STEAP2: variants seen among roughly 807,000 people sequenced by gnomAD.
STEAP2 encodes the protein metalloreductase STEAP2.
In STEAP2, 30 loss-of-function variants were observed where a neutral mutation model predicts 46.4. That is an observed-to-expected ratio of 0.65 (90% CI 0.48 to 0.88). STEAP2 has a LOEUF of 0.88. Among genes scored for constraint, STEAP2 ranks in the 40% least tolerant of loss-of-function variants. The probability of loss-of-function intolerance (pLI) is 0.00; values close to 1 mark genes in which losing one functional copy is unlikely to be tolerated. For missense variants in STEAP2, 513 were observed against 579.3 expected (o/e 0.89, Z 1.18); for synonymous variants, 180 against 200.5 (o/e 0.90, Z 0.86).
chr7:90,227,328 T>C lies in STEAP2; in HGVS notation c.850T>C (p.Tyr284His), dbSNP rs1795540623. ...GLLAAAYQLY[Y>H]GTKYRRFPPW... Reference sequence around the variant, plus strand: ...TCTGGCAGCTGCTTATCAACTTTATTACGGCACCAAGTATAGGAGATTTCC... The same window carrying C: ...TCTGGCAGCTGCTTATCAACTTTATCACGGCACCAAGTATAGGAGATTTCC... Residue 284 changes from tyrosine to histidine, a missense_variant, in exon 4 of 6, where the codon TAC becomes CAC. Physicochemically the swap from Tyr to His is moderately conservative, Grantham distance 83 (BLOSUM62 2). Coordinates refer to ENST00000394621, the MANE Select transcript of STEAP2 (RefSeq NM_001244944.2). 6.2e-7 allele frequency: 1 copy of C among 1,613,846 alleles called. No individual in the cohort carries two copies. The highest frequency in any genetic ancestry group is 1.7e-5 in the Admixed American group (1 of 59,980).
chr7:90,235,263 T>C lies in STEAP2; in HGVS notation c.*2639T>C. On this transcript the variant is annotated 3_prime_UTR_variant, in exon 6 of 6. Transcript: ENST00000394621. ...TCTGTTGTTTCAAATGGCACTATCT[T>C]CTTTTCAGTACTACAAAAACAGAAT... is the stretch of plus-strand genomic sequence containing the variant. The C allele has an allele frequency of 1.0e-6, 1 of 981,120 alleles. No homozygotes were observed. Among genetic ancestry groups the C allele is most frequent in the Non-Finnish European group, 1.2e-6 (1 of 825,862 alleles). 60.8% of individuals were successfully genotyped at this position (981,120 alleles called of 1,614,324 possible). A position where few individuals can be genotyped will look rare whatever the true frequency, so the allele number is the denominator to read the frequency against.
chr7:90,218,260 T>G (rs1454322923), intron 2 of STEAP2, among the ~76,000 whole-genome samples: 1 of 152,182 alleles, frequency 6.6e-6, no homozygotes, highest in Non-Finnish European at 1.5e-5. Context: ...CACGGAAGTC[T>G]TTTAGTTTAA....
At chr7:90,243,385 GAGTT>G in the STEAP2 span, among the ~76,000 whole-genome samples, 1 of 152,130 alleles carries the variant, frequency 6.6e-6, no homozygotes, top group Non-Finnish European at 1.5e-5. Flanking sequence ...CAGATTAAAA[GAGTT>G]AGAGTTTTTT....
At chr7:90,229,436 C>T (rs10487106) in intron 4 of STEAP2, among the ~76,000 whole-genome samples, 23,332 of 152,078 alleles carry the variant, frequency 0.15, 2,829 homozygotes, top group East Asian at 0.65. Flanking sequence ...ATTCCCTGAC[C>T]GGATCCAAGT....
At position 90,232,668 on chromosome 7, in the gene STEAP2, C is replaced by A; in HGVS notation, c.*44C>A. On this transcript the variant is annotated 3_prime_UTR_variant, in exon 6 of 6. Transcript: ENST00000394621. The stretch of plus-strand genomic sequence containing the variant: ...GCTGCCATATAAAGTTCTACTCATG[C>A]CATTATTTTTATGACTTCTACGTTC... 6.6e-7 allele frequency: 1 copy of A among 1,517,210 alleles called. No individual in the cohort carries two copies. 94.0% of individuals were successfully genotyped at this position (1,517,210 alleles called of 1,614,324 possible).
At chr7:90,222,555 T>G (rs1442381759) in intron 2 of STEAP2, among the ~76,000 whole-genome samples, 2 of 152,112 alleles carry the variant, frequency 1.3e-5, no homozygotes, top group South Asian at 2.1e-4. Context: ...TTGGATAAAT[T>G]AATTATCTTC....
At chr7:90,237,866 C>A (rs1327451941), downstream of STEAP2, among the ~76,000 whole-genome samples, 1 of 151,926 alleles carries the variant, frequency 6.6e-6, no homozygotes, top group East Asian at 1.9e-4. Context: ...ATCTTTAAAT[C>A]AGAACACACA....
chr7:90,217,704 C>CAAAA (rs10571794), intron 2 of STEAP2, among the ~76,000 whole-genome samples: 1 of 99,114 alleles, frequency 1.0e-5, no homozygotes, highest in Non-Finnish European at 2.0e-5. Flanking sequence ...GAATAGTGCG[C>CAAAA]AAAAAAAAAA....
In STEAP2 at chr7:90,234,697, C is replaced by G; in HGVS notation, c.*2073C>G. The G allele has an allele frequency of 2.2e-6, 1 of 448,340 alleles. No homozygotes were observed. 27.8% of individuals were successfully genotyped at this position (448,340 alleles called of 1,614,324 possible). On this transcript the variant is annotated 3_prime_UTR_variant, in exon 6 of 6. Coordinates refer to ENST00000394621, the MANE Select transcript of STEAP2 (RefSeq NM_001244944.2). The stretch of plus-strand genomic sequence containing the variant: ...TCCCGAGTAGCTGGGACTACAGGTG[C>G]CCGCCACCATGCCCGGCTGATTTCT...
downstream of STEAP2, among the ~76,000 whole-genome samples, chr7:90,239,639 A>C (rs1017035144): frequency 1.3e-5 from 2 of 152,108 alleles, no homozygotes; most frequent in Admixed American, 6.5e-5. Context: ...TTTTTTTCAT[A>C]TAATTATTCC....
chr7:90,235,807 A>T lies in STEAP2; in HGVS notation c.*3183A>T. 1.3e-6 allele frequency: 1 copy of T among 750,382 alleles called. No individual in the cohort carries two copies. Among genetic ancestry groups the T allele is most frequent in the Non-Finnish European group, 1.6e-6 (1 of 615,736 alleles). The allele number at this position is 750,382 out of a possible 1,614,324, so 46.5% of individuals were successfully genotyped here. ...CATGGAAATTTAGCCCAGATTGTCT[A>T]CATATAAGGTTTTTATTTGAATTGT... On this transcript the variant is annotated 3_prime_UTR_variant, in exon 6 of 6. Transcript: ENST00000394621.
chr7:90,231,302 T>C (rs796346383), intron 5 of STEAP2, among the ~76,000 whole-genome samples: 1 of 151,928 alleles, frequency 6.6e-6, no homozygotes, highest in Admixed American at 6.6e-5. Context: ...CCAGTGTGTA[T>C]ATATGTGTGT....
At chr7:90,226,089 C>A (rs1447653325) in intron 3 of STEAP2, among the ~76,000 whole-genome samples, 2 of 152,136 alleles carry the variant, frequency 1.3e-5, no homozygotes, top group Non-Finnish European at 2.9e-5. Context: ...CTTCTACAGG[C>A]TATTTCTGAA....
Position 90,225,394 on chromosome 7 carries a change from G to C in STEAP2, c.312G>C (p.Leu104=). Residue 104 remains leucine (L), a synonymous_variant, in exon 3 of 6, where the codon CTG becomes CTC. Transcript: ENST00000394621. ...HREHYTSLWD[L]RHLLVGKILI... Reference sequence around the variant, plus strand: ...AACATTATACCTCCCTGTGGGACCTGAGACATCTGCTTGTGGGTAAAATCC... The same window carrying C: ...AACATTATACCTCCCTGTGGGACCTCAGACATCTGCTTGTGGGTAAAATCC... 1.9e-6 allele frequency: 3 copies of C among 1,613,800 alleles called. No individual in the cohort carries two copies. The highest frequency in any genetic ancestry group is 2.5e-6 in the Non-Finnish European group (3 of 1,179,922).
intron 2 of STEAP2, among the ~76,000 whole-genome samples, chr7:90,221,901 T>C (rs1364760069): frequency 6.6e-6 from 1 of 152,174 alleles, no homozygotes; most frequent in African/African-American, 2.4e-5. Flanking sequence ...ATTAATGTTG[T>C]TTTGTTTTTG....
At chr7:90,231,184 T>C (rs1340757469) in intron 5 of STEAP2, among the ~76,000 whole-genome samples, 1 of 151,878 alleles carries the variant, frequency 6.6e-6, no homozygotes, top group Non-Finnish European at 1.5e-5. Context: ...AATGATGAGC[T>C]TTTAGAATTT....
downstream of STEAP2, among the ~76,000 whole-genome samples, chr7:90,239,032 T>G (rs916006339): frequency 4.6e-5 from 7 of 152,248 alleles, no homozygotes; most frequent in Non-Finnish European, 1.0e-4. Context: ...TTCTTGAATC[T>G]GCTGTTTATA....
intron 2 of STEAP2, among the ~76,000 whole-genome samples, chr7:90,223,874 G>T (rs1795367845): frequency 6.6e-6 from 1 of 152,120 alleles, no homozygotes; most frequent in Admixed American, 6.5e-5. Context: ...TAGCTAATTT[G>T]TCTAGCTCTC....
rs182152475 is a variant in STEAP2, at chr7:90,213,645, A to C, written c.-147+1600A>C. Among the ~76,000 whole-genome samples the C allele has an allele frequency of 3.9e-3, 594 of 152,308 alleles. 2 individuals carry two copies. Among genetic ancestry groups the C allele is most frequent in the Middle Eastern group, 0.027 (8 of 294 alleles). On this transcript the variant is annotated intron_variant, in intron 1 of 5. Coordinates refer to ENST00000394621, the MANE Select transcript of STEAP2 (RefSeq NM_001244944.2). ...TTTTTGATGTATTCCATAACAAAGAATTTTTATTGCATCCTTAGTTACACT... is the reference window on the plus strand; with the variant it reads ...TTTTTGATGTATTCCATAACAAAGACTTTTTATTGCATCCTTAGTTACACT...
Sources: allele counts gnomAD v4.1 joint callset (sites outside exome capture counted in the v4.1 genomes callset), GRCh38; gene constraint gnomAD v4.1.1; transcripts MANE v1.5; gene names NCBI Gene and HGNC (gene_info 2026-07-23, HGNC 2026-07-21).